The following CACNA1E variants were observed in gnomAD, a reference collection of about 807,000 sequenced individuals.
The protein encoded by CACNA1E is voltage-dependent R-type calcium channel subunit alpha-1E.
Under a neutral mutation model 259.2 loss-of-function variants are expected in CACNA1E, and 40 were observed. The observed-to-expected ratio is 0.15, with a 90% CI of 0.12 to 0.20. CACNA1E has a LOEUF of 0.20. Ranked by LOEUF, CACNA1E falls within the 10% of genes least tolerant of loss-of-function variation. The pLI is 1.00. For missense variants in CACNA1E, 1,874 were observed against 3,040.1 expected, an observed-to-expected ratio of 0.62 and a Z score of 9.02; for synonymous variants, 1,104 against 1,138.5, an observed-to-expected ratio of 0.97 and a Z score of 0.61.
Position 181,758,136 on chromosome 1 carries a change from C to G in CACNA1E, c.4494+25C>G, listed in dbSNP as rs556804266. ...GGTGAGAGGAGAGAGGCACAAGAGC[C>G]GACTGAGCCCCAGCGATGGTTCCCT... On this transcript the variant is annotated intron_variant, in intron 31 of 47. Transcript: ENST00000367573. The surrounding 1 kb of genome is among the most constrained non-coding windows in gnomAD (Gnocchi z 4.2). 1 of 1,607,068 alleles carries G rather than the reference C, an allele frequency of 6.2e-7. No homozygotes were observed. The highest frequency in any genetic ancestry group is 1.7e-5 in the Admixed American group (1 of 59,774).
In CACNA1E at chr1:181,642,645, G is replaced by A. The variant is rs541491453; in HGVS notation, c.952-8693G>A. ...CAAGCCCTGTAGAAGGGGCAAAGGG[G>A]TGATGCACTTTAGCTCATCACCACT... On this transcript the variant is annotated intron_variant, in intron 6 of 47. Transcript: ENST00000367573. Among the ~76,000 whole-genome samples the A allele has an allele frequency of 4.6e-5, 7 of 152,334 alleles. No homozygotes were observed. In the South Asian group the frequency reaches 1.5e-3, roughly 32 times the overall value.
Position 181,483,883 on chromosome 1 carries a change from G to T in CACNA1E, c.139G>T (p.Ala47Ser). 1 of 1,613,762 alleles carries T rather than the reference G, an allele frequency of 6.2e-7. No homozygotes were observed. Residue 47 changes from alanine (A) to serine (S), a missense_variant, in exon 1 of 48, where the codon GCG becomes TCG. Physicochemically the swap from Ala to Ser is moderately conservative, Grantham distance 99 (BLOSUM62 1). Coordinates refer to ENST00000367573, the MANE Select transcript of CACNA1E (RefSeq NM_001205293.3). ...CTACAAGCAGACGAAAGCACAGAGG[G>T]CGCGGACTATGGCTTTGTACAACCC... ...AAYKQTKAQR[A>S]RTMALYNPIP...
chr1:181,612,250 T>A (rs1654815582), intron 6 of CACNA1E, among the ~76,000 whole-genome samples: 1 of 152,192 alleles, frequency 6.6e-6, no homozygotes, highest in Non-Finnish European at 1.5e-5. Flanking sequence ...GGGAGCAGGC[T>A]GAACCATGCT....
chr1:181,578,353 G>A (rs1341733754), intron 4 of CACNA1E, among the ~76,000 whole-genome samples: 1 of 152,114 alleles, frequency 6.6e-6, no homozygotes, highest in African/African-American at 2.4e-5. Flanking sequence ...GGAAGAGTTT[G>A]AGACCAGTCT....
chr1:181,673,684 G>A (rs1255291248), intron 7 of CACNA1E, among the ~76,000 whole-genome samples: 1 of 152,126 alleles, frequency 6.6e-6, no homozygotes, highest in Non-Finnish European at 1.5e-5. Flanking sequence ...CCATGGGCTG[G>A]GCAGGACATT....
At chr1:181,364,788 G>C (rs552874362) in intron 1 of CACNA1E, among the ~76,000 whole-genome samples, 58 of 152,292 alleles carry the variant, frequency 3.8e-4, no homozygotes, top group Non-Finnish European at 7.8e-4. Context: ...CATGGGGTGT[G>C]GGAGGAGAAA....
intron 6 of CACNA1E, among the ~76,000 whole-genome samples, chr1:181,618,119 G>A (rs1480188496): frequency 1.3e-5 from 2 of 152,176 alleles, no homozygotes; most frequent in Non-Finnish European, 2.9e-5. Context: ...AACCAACTAT[G>A]AATTGGCTGT....
intron 1 of CACNA1E, among the ~76,000 whole-genome samples, chr1:181,376,973 T>G (rs1004638153): frequency 3.9e-5 from 6 of 152,182 alleles, no homozygotes; most frequent in Non-Finnish European, 2.9e-5. Flanking sequence ...GAAGAAGAAC[T>G]GGTTAAGGAA....
At chr1:181,337,704 GCTGAGTAGTATTCCAT>G (rs1388335073) in intron 1 of CACNA1E, among the ~76,000 whole-genome samples, 3 of 152,022 alleles carry the variant, frequency 2.0e-5, no homozygotes, top group African/African-American at 7.3e-5. Context: ...ATTTTTTAAG[GCTGAGTAGTATTCCAT>G]TCTGTACATA....
At chr1:181,707,489 C>A (rs1034547930) in intron 7 of CACNA1E, among the ~76,000 whole-genome samples, 1 of 152,086 alleles carries the variant, frequency 6.6e-6, no homozygotes, top group Non-Finnish European at 1.5e-5. Flanking sequence ...AACCTGGAAC[C>A]GGAAGAGGTT....
intron 21 of CACNA1E, 73 bp from the exon 22 acceptor site, chr1:181,736,202 C>A: frequency 6.6e-7 from 1 of 1,506,476 alleles, no homozygotes; most frequent in Non-Finnish European, 8.9e-7. Context: ...CCTTTCATCC[C>A]CAACTAAACA....
At chr1:181,510,851 T>A (rs1201328912) in intron 2 of CACNA1E, among the ~76,000 whole-genome samples, 1 of 152,226 alleles carries the variant, frequency 6.6e-6, no homozygotes, top group Admixed American at 6.5e-5. Context: ...AAGGGACTTC[T>A]GATACGAGAG....
chr1:181,580,919 G>A, intron 6 of CACNA1E, 143 bp downstream of exon 6: 1 of 690,910 alleles, frequency 1.4e-6, no homozygotes, highest in African/African-American at 1.8e-5. Context: ...ACTCAACTGG[G>A]ATAAGCCTTA....
At position 181,329,999 on chromosome 1, in the gene CACNA1E, C is replaced by A. The variant is rs1225583563; in HGVS notation, c.-15+11876C>A. On this transcript the variant is annotated intron_variant, in intron 1 of 11. Transcript: ENST00000524607. ...GGGTCTTGCAGGGATTTGCCCCTCCCAGTCCCTGACTCAGGAGGAACTGAA... is the reference window on the plus strand; with the variant it reads ...GGGTCTTGCAGGGATTTGCCCCTCCAAGTCCCTGACTCAGGAGGAACTGAA... Among the ~76,000 whole-genome samples, 7 of 152,292 alleles carry A rather than the reference C, an allele frequency of 4.6e-5. No homozygotes were observed. The South Asian group carries it at 1.2e-3, about 27-fold the overall frequency.
At chr1:181,666,621 C>T in intron 7 of CACNA1E, among the ~76,000 whole-genome samples, 1 of 151,770 alleles carries the variant, frequency 6.6e-6, no homozygotes, top group African/African-American at 2.4e-5. Flanking sequence ...CAATGAGGAA[C>T]AGGAACTTTT....
chr1:181,768,086 A>G (rs1397541360), intron 35 of CACNA1E, among the ~76,000 whole-genome samples: 5 of 152,230 alleles, frequency 3.3e-5, no homozygotes, highest in African/African-American at 1.2e-4. Flanking sequence ...TGGAAACATT[A>G]TAATTCTTCT....
chr1:181,448,200 G>A (rs139913911), intron 2 of CACNA1E, among the ~76,000 whole-genome samples: 198 of 152,296 alleles, frequency 1.3e-3, no homozygotes, highest in African/African-American at 4.5e-3. Flanking sequence ...CACAATACAT[G>A]TAATTTAAAT....
chr1:181,564,671 C>T lies in CACNA1E; in HGVS notation c.513-13095C>T, dbSNP rs142703843. 3.5e-3 allele frequency among the ~76,000 whole-genome samples: 532 copies of T among 152,340 alleles called. 7 individuals carry two copies. The highest frequency in any genetic ancestry group is 0.01 in the African/African-American group (425 of 41,578). On this transcript the variant is annotated intron_variant, in intron 3 of 47. Transcript: ENST00000367573. Reference sequence around the variant, plus strand: ...GTCCTTTCCAGAAGGTTCCAATTGACTGTGACCAGATCCATCAGAGGAATC... The same window carrying T: ...GTCCTTTCCAGAAGGTTCCAATTGATTGTGACCAGATCCATCAGAGGAATC...
At chr1:181,789,356 A>C (rs913369431) in intron 43 of CACNA1E, among the ~76,000 whole-genome samples, 7 of 152,176 alleles carry the variant, frequency 4.6e-5, no homozygotes, top group Non-Finnish European at 1.0e-4. Flanking sequence ...TCTGCTCTTC[A>C]TATCTTCTCC....
Sources: allele counts gnomAD v4.1 joint callset (sites outside exome capture counted in the v4.1 genomes callset), GRCh38; gene constraint gnomAD v4.1.1; non-coding constraint Gnocchi (gnomAD v3.1); transcripts MANE v1.5; gene names NCBI Gene and HGNC (gene_info 2026-07-23, HGNC 2026-07-21).